Variants in PRSS55 observed in about 807,000 individuals in gnomAD.
The protein encoded by PRSS55 is probable serine protease UNQ9391/PRO34284.
In PRSS55, 41 loss-of-function variants were observed where a neutral mutation model predicts 23.6. That is an observed-to-expected ratio of 1.74 (90% confidence interval 1.35 to 2.26). The LOEUF is 2.26. Among genes scored for constraint, PRSS55 ranks in the 30% most tolerant of loss-of-function variants. The pLI is 0.00. For synonymous variants in PRSS55, 262 were observed against 175.5 expected (o/e 1.49, Z -3.90); for missense variants, 669 against 439.1 (o/e 1.52, Z -4.68).
chr8:10,550,696 C>T (rs1042415326), intron 4 of PRSS55, among the ~76,000 whole-genome samples: 1 of 152,094 alleles, frequency 6.6e-6, no homozygotes, highest in Non-Finnish European at 1.5e-5. Context: ...ACTGTGTTAC[C>T]CTGCGATGTG....
At chr8:10,529,761 C>T (rs1423459728) in intron 2 of PRSS55, 62 bp downstream of exon 2, 11 of 1,509,794 alleles carry the variant, frequency 7.3e-6, no homozygotes, top group Non-Finnish European at 9.1e-6. Context: ...GCACCCTCCC[C>T]CTCACCCACA....
intron 3 of PRSS55, among the ~76,000 whole-genome samples, chr8:10,532,128 C>T (rs570434820): frequency 5.3e-5 from 8 of 152,138 alleles, no homozygotes; most frequent in South Asian, 4.1e-4. Context: ...CAAAGCATTG[C>T]GTCAGCCTGA....
intron 4 of PRSS55, among the ~76,000 whole-genome samples, chr8:10,536,857 C>G (rs1170972359): frequency 6.6e-6 from 1 of 152,098 alleles, no homozygotes; most frequent in Non-Finnish European, 1.5e-5. Flanking sequence ...GACACCAGGA[C>G]CTACTTAAAG....
intron 4 of PRSS55, among the ~76,000 whole-genome samples, chr8:10,533,630 A>G (rs1812349872): frequency 6.6e-6 from 1 of 152,202 alleles, no homozygotes; most frequent in African/African-American, 2.4e-5. Flanking sequence ...AAAAAAAATC[A>G]TAAATTTCCT....
chr8:10,548,297 C>G (rs1400578343), intron 4 of PRSS55, among the ~76,000 whole-genome samples: 1 of 152,092 alleles, frequency 6.6e-6, no homozygotes, highest in Non-Finnish European at 1.5e-5. Context: ...TCTCCCTGTG[C>G]TTGGTCAGGA....
At chr8:10,552,647 A>C (rs1391210025) in intron 4 of PRSS55, among the ~76,000 whole-genome samples, 2 of 152,244 alleles carry the variant, frequency 1.3e-5, no homozygotes, top group Admixed American at 1.3e-4. Flanking sequence ...AAGAAGACAC[A>C]TAAGTGGCTA....
At chr8:10,532,736 T>G (rs1812313601) in intron 3 of PRSS55, among the ~76,000 whole-genome samples, 170 bp from the exon 4 acceptor site, 1 of 147,018 alleles carries the variant, frequency 6.8e-6, no homozygotes. Context: ...GTTGGGGGAG[T>G]GGGTAAGTTG....
chr8:10,539,979 C>A (rs1451075057), downstream of PRSS55, among the ~76,000 whole-genome samples: 1 of 152,206 alleles, frequency 6.6e-6, no homozygotes, highest in Non-Finnish European at 1.5e-5. Flanking sequence ...GTCACCAGTT[C>A]TCCCTTCTGG....
intron 1 of PRSS55, among the ~76,000 whole-genome samples, chr8:10,527,173 C>T (rs1360109899): frequency 2.0e-5 from 3 of 152,218 alleles, no homozygotes; most frequent in Admixed American, 2.0e-4. Context: ...AAACATTTTC[C>T]TGTGTTGTTA....
intron 4 of PRSS55, among the ~76,000 whole-genome samples, chr8:10,547,862 C>G (rs1436429948): frequency 2.0e-5 from 3 of 151,852 alleles, no homozygotes; most frequent in African/African-American, 7.3e-5. Context: ...CAGGGAACAA[C>G]ATGTCACGCC....
chr8:10,528,487 A>G (rs912351659), intron 1 of PRSS55, among the ~76,000 whole-genome samples: 5 of 152,208 alleles, frequency 3.3e-5, no homozygotes, highest in African/African-American at 4.8e-5. Flanking sequence ...TTCACGGAGC[A>G]TCTCCTCTTC....
At chr8:10,534,838 T>A (rs1292616731) in intron 4 of PRSS55, among the ~76,000 whole-genome samples, 2 of 152,210 alleles carry the variant, frequency 1.3e-5, no homozygotes, top group Non-Finnish European at 2.9e-5. Flanking sequence ...GCCCAAAGTC[T>A]CCTAGAGCTG....
At position 10,531,556 on chromosome 8, in the gene PRSS55, G is replaced by A; in HGVS notation, c.598+11G>A. ...GCCAGACCAATGCTGGTATGTGACT[G>A]CTCAGCTTCCCCTGGGGAAAAAGCC... is the stretch of plus-strand genomic sequence containing the variant. On this transcript the variant is annotated intron_variant, in intron 3 of 4. Coordinates refer to ENST00000328655, the MANE Select transcript of PRSS55 (RefSeq NM_198464.4). The A allele has an allele frequency of 6.2e-7, 1 of 1,611,972 alleles. No homozygotes were observed.
At chr8:10,526,011 C>A (rs747534120) in intron 1 of PRSS55, among the ~76,000 whole-genome samples, 6 of 152,172 alleles carry the variant, frequency 3.9e-5, no homozygotes, top group Non-Finnish European at 7.3e-5. Flanking sequence ...CTGAGTCCTC[C>A]CACTTGGAGG....
At chr8:10,533,922 A>G (rs1024569918) in intron 4 of PRSS55, among the ~76,000 whole-genome samples, 1 of 152,182 alleles carries the variant, frequency 6.6e-6, no homozygotes, top group Non-Finnish European at 1.5e-5. Flanking sequence ...AGGCTATGAG[A>G]GCCTTGAGAG....
downstream of PRSS55, among the ~76,000 whole-genome samples, chr8:10,542,138 T>A (rs1225695863): frequency 1.3e-5 from 2 of 152,162 alleles, no homozygotes; most frequent in Non-Finnish European, 2.9e-5. Context: ...TTAAACATTA[T>A]CCAGTCAATT....
At chr8:10,550,175 G>C (rs1007214501) in intron 4 of PRSS55, among the ~76,000 whole-genome samples, 2 of 152,126 alleles carry the variant, frequency 1.3e-5, no homozygotes, top group Non-Finnish European at 2.9e-5. Context: ...CACCCACCTC[G>C]GCTTCCCAAA....
At chr8:10,549,040 G>C (rs1361495755) in intron 4 of PRSS55, among the ~76,000 whole-genome samples, 2 of 152,208 alleles carry the variant, frequency 1.3e-5, no homozygotes, top group African/African-American at 4.8e-5. Flanking sequence ...AAGCTCAATA[G>C]ATGCAACCAA....
chr8:10,537,882 A>T (rs1812511198), intron 4 of PRSS55, among the ~76,000 whole-genome samples: 1 of 152,142 alleles, frequency 6.6e-6, no homozygotes, highest in Non-Finnish European at 1.5e-5. Flanking sequence ...CATTTGTTTG[A>T]TTTATGTAGA....
Sources: gnomAD v4.1 joint callset for allele counts (sites outside exome capture counted in the v4.1 genomes callset) on GRCh38, gnomAD v4.1.1 for gene constraint, MANE v1.5 for transcripts, NCBI Gene and HGNC (gene_info 2026-07-23, HGNC 2026-07-21) for gene names.